Variants in JAKMIP2 observed in about 807,000 individuals in gnomAD.
JAKMIP2 encodes the protein janus kinase and microtubule-interacting protein 2.
In JAKMIP2, 25 loss-of-function variants were observed where a neutral mutation model predicts 115.0. The ratio of observed to expected loss-of-function variants is 0.22; its 90% CI spans 0.16 to 0.30. The LOEUF is 0.30. Among genes scored for constraint, JAKMIP2 ranks in the 10% least tolerant of loss-of-function variants. JAKMIP2 has a pLI of 1.00. For missense variants in JAKMIP2, 642 were observed against 957.6 expected, an observed-to-expected ratio of 0.67 and a Z score of 4.35; for synonymous variants, 334 against 343.6, an observed-to-expected ratio of 0.97 and a Z score of 0.31.
At chr5:147,700,763 A>G (rs1382050698) in intron 1 of JAKMIP2, among the ~76,000 whole-genome samples, 1 of 152,168 alleles carries the variant, frequency 6.6e-6, no homozygotes, top group Admixed American at 6.5e-5. Flanking sequence ...CTGGAAGTTT[A>G]TTGCCTTTCT....
At chr5:147,765,779 T>C (rs1007089652) in intron 1 of JAKMIP2, among the ~76,000 whole-genome samples, 2 of 152,144 alleles carry the variant, frequency 1.3e-5, no homozygotes, top group African/African-American at 2.4e-5. Context: ...CTTTTTATAT[T>C]TTTATATTTC....
At chr5:147,723,756 G>A (rs1753408209) in intron 1 of JAKMIP2, among the ~76,000 whole-genome samples, 1 of 152,098 alleles carries the variant, frequency 6.6e-6, no homozygotes, top group Non-Finnish European at 1.5e-5. Context: ...AAAGCCACAT[G>A]GCTTAAAAAG....
At position 147,782,497 on chromosome 5, in the gene JAKMIP2, G is replaced by A; in HGVS notation, c.-190C>T. 2 of 1,535,024 alleles carry A rather than the reference G, an allele frequency of 1.3e-6. No homozygotes were observed. The highest frequency in any genetic ancestry group is 8.7e-7 in the Non-Finnish European group (1 of 1,145,934). Reference sequence around the variant, plus strand: ...GAAGCTGTTTAAAGGAGGGAGAGATGCAAACTGAATCCATTTTCCTTGTGA... The same window carrying A: ...GAAGCTGTTTAAAGGAGGGAGAGATACAAACTGAATCCATTTTCCTTGTGA... On this transcript the variant is annotated 5_prime_UTR_variant, in exon 1 of 22. Coordinates refer to ENST00000616793, the MANE Select transcript of JAKMIP2 (RefSeq NM_001270941.2).
intron 20 of JAKMIP2, among the ~76,000 whole-genome samples, chr5:147,605,201 ACATTT>A (rs1240580416): frequency 1.9e-4 from 22 of 114,626 alleles, no homozygotes; most frequent in Non-Finnish European, 2.8e-4. Context: ...TATATGTGCC[ACATTT>A]TTTTTTTTTT....
chr5:147,719,446 G>A (rs1317277370), intron 1 of JAKMIP2, among the ~76,000 whole-genome samples: 12 of 144,912 alleles, frequency 8.3e-5, no homozygotes, highest in Non-Finnish European at 1.7e-4. Context: ...TTGACAGTGG[G>A]GTGTTAAAGT....
At chr5:147,621,680 CT>C (rs1437084357) in intron 17 of JAKMIP2, among the ~76,000 whole-genome samples, 5 of 152,064 alleles carry the variant, frequency 3.3e-5, no homozygotes, top group Admixed American at 1.3e-4. Flanking sequence ...ACAAACTGTT[CT>C]TTTTACATGC....
chr5:147,741,892 C>T (rs1335010262), intron 1 of JAKMIP2, among the ~76,000 whole-genome samples: 1 of 151,656 alleles, frequency 6.6e-6, no homozygotes, highest in Non-Finnish European at 1.5e-5. Flanking sequence ...TATGTCCCAA[C>T]CTTAACAATA....
At chr5:147,643,558 A>C (rs182463195) in intron 7 of JAKMIP2, among the ~76,000 whole-genome samples, 9 of 152,364 alleles carry the variant, frequency 5.9e-5, no homozygotes, top group Admixed American at 4.6e-4. Flanking sequence ...TACTGAAGTA[A>C]TGATCAGAAA....
intron 1 of JAKMIP2, among the ~76,000 whole-genome samples, chr5:147,750,039 T>C (rs1042761949): frequency 1.3e-5 from 2 of 152,236 alleles, no homozygotes; most frequent in African/African-American, 4.8e-5. Flanking sequence ...GACTCATACA[T>C]GGTTAGCACT....
At chr5:147,611,756 G>T (rs1334951199) in intron 20 of JAKMIP2, among the ~76,000 whole-genome samples, 1 of 152,088 alleles carries the variant, frequency 6.6e-6, no homozygotes, top group Non-Finnish European at 1.5e-5. Flanking sequence ...GCATTTCCAA[G>T]TGCCCTCTGT....
chr5:147,632,617 A>G, intron 13 of JAKMIP2, 63 bp downstream of exon 13: 1 of 1,048,398 alleles, frequency 9.5e-7, no homozygotes, highest in Non-Finnish European at 1.5e-6. Flanking sequence ...CTAGCTCCTC[A>G]ATGTGCTCTG....
chr5:147,661,181 C>T lies in JAKMIP2; in HGVS notation c.394G>A (p.Ala132Thr). The T allele has an allele frequency of 6.2e-7, 1 of 1,614,098 alleles. No individual in the cohort carries two copies. Among genetic ancestry groups the T allele is most frequent in the Non-Finnish European group, 8.5e-7 (1 of 1,180,028 alleles). ...TCCTCCCGGGCCTCAATGGTGAGCG[C>T]TGTCCTTACTTTGTCACTGCTGCCG... ...RDGSSDKVRTALTIEAREEAR... is the reference protein window; with the variant it reads ...RDGSSDKVRTTLTIEAREEAR... Residue 132 changes from alanine (A) to threonine (T), a missense_variant, in exon 3 of 22, where the codon GCG becomes ACG. By Grantham distance (58) the Ala-to-Thr change is moderately conservative (BLOSUM62 0). This residue lies in a region of JAKMIP2 where 439 missense variants were observed against 570.9 expected (regional missense o/e 0.77). Transcript: ENST00000616793.
At chr5:147,665,434 A>G (rs1004818065) in intron 2 of JAKMIP2, among the ~76,000 whole-genome samples, 3 of 152,334 alleles carry the variant, frequency 2.0e-5, no homozygotes, top group African/African-American at 7.2e-5. Flanking sequence ...AAGTTACTTC[A>G]GCTCAAGTGA....
chr5:147,737,492 T>A (rs1470658787), intron 1 of JAKMIP2, among the ~76,000 whole-genome samples: 1 of 152,188 alleles, frequency 6.6e-6, no homozygotes, highest in Non-Finnish European at 1.5e-5. Context: ...AAAACTCTCC[T>A]ACTTTTGTAA....
In JAKMIP2 at chr5:147,663,726, G is replaced by C. The variant is rs558380028; in HGVS notation, c.130-2281C>G. Among the ~76,000 whole-genome samples, 7 of 152,246 alleles carry C rather than the reference G, an allele frequency of 4.6e-5. No homozygotes were observed. In the South Asian group the frequency reaches 1.2e-3, roughly 27 times the overall value. Reference sequence around the variant, plus strand: ...TTGTGAACAGTTTATTTTTAAAGGCGCAGCAATTATTCCCATGATGGTTAT... The same window carrying C: ...TTGTGAACAGTTTATTTTTAAAGGCCCAGCAATTATTCCCATGATGGTTAT... On this transcript the variant is annotated intron_variant, in intron 2 of 21. Coordinates refer to ENST00000616793, the MANE Select transcript of JAKMIP2 (RefSeq NM_001270941.2).
chr5:147,766,119 C>T (rs1191005904), intron 1 of JAKMIP2, among the ~76,000 whole-genome samples: 1 of 152,118 alleles, frequency 6.6e-6, no homozygotes, highest in Non-Finnish European at 1.5e-5. Context: ...GGTTGTGTTT[C>T]CCCCCATCTT....
intron 1 of JAKMIP2, among the ~76,000 whole-genome samples, chr5:147,720,922 G>A (rs1395639476): frequency 4.0e-4 from 61 of 152,216 alleles, no homozygotes; most frequent in African/African-American, 1.2e-3. Context: ...GAGGAGAGGC[G>A]CTCTGCTTTT....
chr5:147,697,828 C>A (rs913279639), intron 1 of JAKMIP2, among the ~76,000 whole-genome samples: 10 of 152,296 alleles, frequency 6.6e-5, no homozygotes, highest in Non-Finnish European at 1.2e-4. Context: ...GCTGCAGGGG[C>A]GGAGTCCTCA....
At chr5:147,658,890 A>G (rs1683868505) in intron 3 of JAKMIP2, among the ~76,000 whole-genome samples, 1 of 152,006 alleles carries the variant, frequency 6.6e-6, no homozygotes, top group Admixed American at 6.6e-5. Flanking sequence ...CACCAAACTC[A>G]ATCATCTCAG....
Sources: allele counts gnomAD v4.1 joint callset (sites outside exome capture counted in the v4.1 genomes callset), GRCh38; gene constraint gnomAD v4.1.1; regional missense constraint gnomAD v4.1.1; transcripts MANE v1.5; gene names NCBI Gene and HGNC (gene_info 2026-07-23, HGNC 2026-07-21).